Variants in BORCS5 observed in about 807,000 individuals in gnomAD.
The protein encoded by BORCS5 is BLOC-1 related complex subunit 5, also known as BLOC-1-related complex subunit 5.
Under a neutral mutation model 22.1 loss-of-function variants are expected in BORCS5, and 17 were observed. The ratio of observed to expected loss-of-function variants is 0.77; its 90% CI spans 0.53 to 1.15. The LOEUF (loss-of-function observed/expected upper bound fraction) is 1.15. Ranked by LOEUF, BORCS5 falls within the 50% of genes most tolerant of loss-of-function variation. The pLI is 0.00. For synonymous variants in BORCS5, 117 were observed against 99.8 expected, an observed-to-expected ratio of 1.17 and a Z score of -1.03; for missense variants, 247 against 253.2, an observed-to-expected ratio of 0.98 and a Z score of 0.17.
intron 2 of BORCS5, among the ~76,000 whole-genome samples, chr12:12,433,370 G>C (rs1464863667): frequency 6.6e-6 from 1 of 150,642 alleles, no homozygotes; most frequent in African/African-American, 2.4e-5. Flanking sequence ...CGGGTGCAGC[G>C]GCATACTCCT....
intron 3 of BORCS5, chr12:12,452,521 G>T (rs1942930212): frequency 4.7e-6 from 2 of 427,658 alleles, no homozygotes; most frequent in Non-Finnish European, 9.5e-6. Context: ...CTGGGGGCCA[G>T]GGTGCGGGCC....
intron 3 of BORCS5, among the ~76,000 whole-genome samples, chr12:12,458,554 A>G (rs1460127897): frequency 3.7e-5 from 5 of 136,672 alleles, no homozygotes; most frequent in African/African-American, 8.2e-5. Flanking sequence ...TTGCCTTTTC[A>G]TTTTATTTCT....
At chr12:12,444,256 A>G (rs1045171131) in intron 3 of BORCS5, among the ~76,000 whole-genome samples, 2 of 152,358 alleles carry the variant, frequency 1.3e-5, no homozygotes, top group East Asian at 1.9e-4. Flanking sequence ...TACAGCTGTA[A>G]GTAGACTCAA....
At chr12:12,374,952 CAAAAAA>C (rs112909758) in intron 2 of BORCS5, among the ~76,000 whole-genome samples, 1 of 106,430 alleles carries the variant, frequency 9.4e-6, no homozygotes, top group African/African-American at 2.8e-5. Context: ...GAGACTGTCT[CAAAAAA>C]AAAAAAAAAA....
chr12:12,429,953 C>T lies in BORCS5; in HGVS notation c.203-5675C>T, dbSNP rs551090364. On this transcript the variant is annotated intron_variant, in intron 2 of 3. Transcript: ENST00000314565. ...TGCAGCCTACAGAGATCCTGGGAAG[C>T]CTTTTTCCTCCTAATATCTTCCTAG... 4.7e-4 allele frequency among the ~76,000 whole-genome samples: 72 copies of T among 152,210 alleles called. 1 individual carries two copies. In the South Asian group the frequency reaches 0.011, roughly 22 times the overall value.
chr12:12,418,861 T>G (rs980546975), intron 2 of BORCS5, among the ~76,000 whole-genome samples: 2 of 152,200 alleles, frequency 1.3e-5, no homozygotes, highest in African/African-American at 4.8e-5. Context: ...CATATACATT[T>G]AAAGTACTTA....
intron 2 of BORCS5, among the ~76,000 whole-genome samples, chr12:12,370,808 G>A (rs1863509643): frequency 6.6e-6 from 1 of 151,928 alleles, no homozygotes; most frequent in Non-Finnish European, 1.5e-5. Context: ...GAGTGCAGTG[G>A]TGCGATCTTG....
chr12:12,385,342 A>T (rs925916597), intron 2 of BORCS5, among the ~76,000 whole-genome samples: 1 of 151,362 alleles, frequency 6.6e-6, no homozygotes, highest in African/African-American at 2.4e-5. Context: ...CTGGATGTGG[A>T]TGCTACCTAT....
intron 2 of BORCS5, among the ~76,000 whole-genome samples, chr12:12,368,314 A>G (rs1376178804): frequency 2.0e-5 from 3 of 149,304 alleles, no homozygotes; most frequent in Admixed American, 6.7e-5. Flanking sequence ...GTTAGTCTCT[A>G]TTCCTCTCTG....
chr12:12,405,263 C>T (rs556136189), intron 2 of BORCS5, among the ~76,000 whole-genome samples: 1 of 152,226 alleles, frequency 6.6e-6, no homozygotes, highest in Non-Finnish European at 1.5e-5. Context: ...CAAGCAAAAA[C>T]TGTCTTAAGC....
chr12:12,420,159 T>C (rs958372559), intron 2 of BORCS5, among the ~76,000 whole-genome samples: 6 of 146,854 alleles, frequency 4.1e-5, no homozygotes, highest in African/African-American at 1.3e-4. Context: ...GGTTTTCTTC[T>C]AGGGTTTTTA....
intron 3 of BORCS5, among the ~76,000 whole-genome samples, chr12:12,463,427 C>A (rs368358018): frequency 2.0e-5 from 3 of 152,140 alleles, no homozygotes; most frequent in Non-Finnish European, 4.4e-5. Flanking sequence ...GTGCCACGTG[C>A]CAACAAAAGT....
chr12:12,364,829 T>C (rs1863370527), intron 2 of BORCS5, among the ~76,000 whole-genome samples: 1 of 152,166 alleles, frequency 6.6e-6, no homozygotes, highest in African/African-American at 2.4e-5. Context: ...TAGCCGGGCA[T>C]GGTGGTGGGC....
At position 12,357,253 on chromosome 12, in the gene BORCS5, C is replaced by G; in HGVS notation, c.-199C>G. 1 of 1,469,164 alleles carries G rather than the reference C, an allele frequency of 6.8e-7. No individual in the cohort carries two copies. The highest frequency in any genetic ancestry group is 9.0e-7 in the Non-Finnish European group (1 of 1,112,830). 91.0% of individuals were successfully genotyped at this position (1,469,164 alleles called of 1,614,324 possible). On this transcript the variant is annotated 5_prime_UTR_variant, in exon 1 of 4. Transcript: ENST00000314565. ...GCCGCGCCTCCTTGCGTTTCTGTTC[C>G]CCAAATAGGGCCTCTCCTTCTCCCG...
chr12:12,379,579 C>G (rs535762428), intron 2 of BORCS5, among the ~76,000 whole-genome samples: 1 of 151,452 alleles, frequency 6.6e-6, no homozygotes, highest in Admixed American at 6.6e-5. Context: ...ATCTCCTACC[C>G]GACAGAGCTT....
At chr12:12,437,822 TA>T (rs5796490) in intron 3 of BORCS5, among the ~76,000 whole-genome samples, 92,879 of 151,970 alleles carry the variant, frequency 0.61, 29,600 homozygotes, top group African/African-American at 0.79. Context: ...AGTTTAGTGA[TA>T]ACATTCATAG....
chr12:12,368,266 G>A (rs759652428), intron 2 of BORCS5, among the ~76,000 whole-genome samples: 1 of 149,882 alleles, frequency 6.7e-6, no homozygotes, highest in Non-Finnish European at 1.5e-5. Context: ...TCCCCACCCA[G>A]TGGTATTCTG....
rs545360522 is a variant in BORCS5 at position 12,470,179 on chromosome 12, T to C, written c.*4403T>C. On this transcript the variant is annotated 3_prime_UTR_variant, in exon 4 of 4. Coordinates refer to ENST00000314565, the MANE Select transcript of BORCS5 (RefSeq NM_058169.6). ...TCCGCCTCCCGGGTTCAAGCAGTTA[T>C]ACTGTCTCAGCCTCCCGAGTAGCTG... 1.7e-3 allele frequency among the ~76,000 whole-genome samples: 259 copies of C among 152,334 alleles called. No individual in the cohort carries two copies. Among genetic ancestry groups the C allele is most frequent in the African/African-American group, 5.6e-3 (232 of 41,582 alleles).
At chr12:12,382,731 C>T (rs1369294426) in intron 2 of BORCS5, among the ~76,000 whole-genome samples, 1 of 150,926 alleles carries the variant, frequency 6.6e-6, no homozygotes, top group Non-Finnish European at 1.5e-5. Context: ...TAGGGTTTTG[C>T]CATGTTGGCC....
Sources: gnomAD v4.1 joint callset for allele counts (sites outside exome capture counted in the v4.1 genomes callset) on GRCh38, gnomAD v4.1.1 for gene constraint, MANE v1.5 for transcripts, NCBI Gene and HGNC (gene_info 2026-07-23, HGNC 2026-07-21) for gene names.